Variants in LRRN2 observed in about 807,000 individuals in gnomAD.
LRRN2 encodes leucine-rich repeat neuronal protein 2.
Under a neutral mutation model 35.7 loss-of-function variants are expected in LRRN2, and 10 were observed. The observed-to-expected ratio is 0.28, with a 90% CI of 0.17 to 0.47. The LOEUF (loss-of-function observed/expected upper bound fraction) is 0.47, where lower values mean the gene tolerates loss of function less well. Among genes scored for constraint, LRRN2 ranks in the 20% least tolerant of loss-of-function variants. The probability of loss-of-function intolerance (pLI) is 0.99; values close to 1 mark genes in which losing one functional copy is unlikely to be tolerated. For missense variants in LRRN2, 731 were observed against 940.3 expected, an observed-to-expected ratio of 0.78 and a Z score of 2.91; for synonymous variants, 391 against 409.6, an observed-to-expected ratio of 0.95 and a Z score of 0.55.
intron 1 of LRRN2, among the ~76,000 whole-genome samples, chr1:204,658,109 C>T (rs1378635132): frequency 1.3e-5 from 2 of 151,154 alleles, no homozygotes; most frequent in Non-Finnish European, 2.9e-5. Context: ...TCCGGAATAT[C>T]TGGGACTACA....
Position 204,657,339 on chromosome 1 carries a change from T to TACACAC in LRRN2, c.-227+27980_-227+27981insGTGTGT, listed in dbSNP as rs1285210348. Among the ~76,000 whole-genome samples the TACACAC allele has an allele frequency of 4.1e-3, 510 of 124,272 alleles. 4 individuals are homozygous for TACACAC. Among genetic ancestry groups the TACACAC allele is most frequent in the African/African-American group, 0.013 (435 of 32,952 alleles). The allele number at this position is 124,272 out of a possible 152,430, so 81.5% of individuals were successfully genotyped here. On this transcript the variant is annotated intron_variant, in intron 1 of 1. Transcript: ENST00000367177. ...ATCTATGTGTCTATATATATGTATA[T>TACACAC]ATACACACACACACACACACACACA...
At position 204,630,991 on chromosome 1, in the gene LRRN2, C is replaced by T. The variant is rs116270098; in HGVS notation, c.-226-10773G>A. Among the ~76,000 whole-genome samples the T allele has an allele frequency of 5.2e-3, 794 of 151,804 alleles. 9 individuals are homozygous for T. Among genetic ancestry groups the T allele is most frequent in the African/African-American group, 0.015 (612 of 41,378 alleles). Reference sequence around the variant, plus strand: ...AAATGAGGGAGTTGGGCTAGAGCAGCGGTTCTCATACTGTAGTCCCCGGAC... The same window carrying T: ...AAATGAGGGAGTTGGGCTAGAGCAGTGGTTCTCATACTGTAGTCCCCGGAC... On this transcript the variant is annotated intron_variant, in intron 1 of 1. Transcript: ENST00000367177.
rs918421943 is a variant in LRRN2, at chr1:204,677,206, C to T, written c.-227+8114G>A. Reference sequence around the variant, plus strand: ...GACCCAATGCCAACTGATTCCACTTCCTCTGGATTGTAAGCCATAAGGACA... The same window carrying T: ...GACCCAATGCCAACTGATTCCACTTTCTCTGGATTGTAAGCCATAAGGACA... On this transcript the variant is annotated intron_variant, in intron 1 of 1. Coordinates refer to ENST00000367177, the MANE Select transcript of LRRN2 (RefSeq NM_201630.2). Among the ~76,000 whole-genome samples, 8 of 152,354 alleles carry T rather than the reference C, an allele frequency of 5.3e-5. No individual in the cohort carries two copies. The East Asian group carries it at 1.5e-3, about 29-fold the overall frequency.
At chr1:204,625,385 G>A (rs914069334) in intron 1 of LRRN2, among the ~76,000 whole-genome samples, 1 of 152,076 alleles carries the variant, frequency 6.6e-6, no homozygotes, top group Non-Finnish European at 1.5e-5. Flanking sequence ...AAGTAATTGC[G>A]GTTTTGGCCA....
intron 1 of LRRN2, among the ~76,000 whole-genome samples, chr1:204,635,208 C>A (rs1667804158): frequency 6.6e-6 from 1 of 152,160 alleles, no homozygotes. Flanking sequence ...TTGCTGACTA[C>A]TGAACCCTAG....
intron 1 of LRRN2, among the ~76,000 whole-genome samples, chr1:204,623,427 C>T (rs1437376569): frequency 9.2e-5 from 14 of 152,176 alleles, no homozygotes; most frequent in Non-Finnish European, 1.8e-4. Context: ...GCTCCTGGGC[C>T]GGGAGCCTGG....
rs996683512 is a variant in LRRN2, at chr1:204,619,675, C to T, written c.318G>A (p.Ser106=). Residue 106 remains serine (S), a synonymous_variant, in exon 2 of 2, where the codon TCG becomes TCA. Transcript: ENST00000367177. ...TELDLSQNSF[S]DARDCDFHAL... is the part of the protein sequence containing the mutation. ...CATGGAAATCACAGTCTCGGGCATC[C>T]GAAAAGCTGTTCTGGGACAGGTCCA... is the stretch of plus-strand genomic sequence containing the variant. 6.8e-6 allele frequency: 11 copies of T among 1,614,056 alleles called. No individual in the cohort carries two copies. Among genetic ancestry groups the T allele is most frequent in the East Asian group, 6.7e-5 (3 of 44,890 alleles).
chr1:204,669,269 A>G (rs1269595543), intron 1 of LRRN2, among the ~76,000 whole-genome samples: 3 of 152,234 alleles, frequency 2.0e-5, no homozygotes, highest in African/African-American at 4.8e-5. Context: ...GAGCAGGAGT[A>G]TGGTCTTCTG....
intron 1 of LRRN2, among the ~76,000 whole-genome samples, chr1:204,656,131 G>C (rs1280746000): frequency 6.6e-6 from 1 of 151,830 alleles, no homozygotes; most frequent in Non-Finnish European, 1.5e-5. Context: ...GGATGGTCTC[G>C]ATCTCCTGAC....
chr1:204,638,257 G>T (rs971868893), intron 1 of LRRN2, among the ~76,000 whole-genome samples: 1 of 152,096 alleles, frequency 6.6e-6, no homozygotes, highest in South Asian at 2.1e-4. Flanking sequence ...CTGCTTTAGT[G>T]TTCACAACAG....
chr1:204,625,308 G>T (rs2102581247), intron 1 of LRRN2, among the ~76,000 whole-genome samples: 1 of 152,302 alleles, frequency 6.6e-6, no homozygotes, highest in African/African-American at 2.4e-5. Flanking sequence ...GTGCCTGTTA[G>T]TTCCCTCTGT....
At chr1:204,674,229 G>A (rs1200636612) in intron 1 of LRRN2, among the ~76,000 whole-genome samples, 1 of 152,020 alleles carries the variant, frequency 6.6e-6, no homozygotes, top group Non-Finnish European at 1.5e-5. Flanking sequence ...GGTGGGGCAG[G>A]ATAAGTGTGC....
chr1:204,619,650 C>T lies in LRRN2; in HGVS notation c.343G>A (p.Ala115Thr). Residue 115 changes from alanine to threonine, a missense_variant, in exon 2 of 2, where the codon GCC (alanine) becomes ACC (threonine). Around this residue, in one of 3 missense-constraint regions of LRRN2, gnomAD observed 246 missense variants for 289.5 expected, o/e 0.85. Transcript: ENST00000367177. ...FSDARDCDFHALPQLLSLHLE... is the reference protein window; with the variant it reads ...FSDARDCDFHTLPQLLSLHLE... ...TGCAGGCTCAGCAGCTGGGGCAGGG[C>T]ATGGAAATCACAGTCTCGGGCATCC... 1 of 1,614,156 alleles carries T rather than the reference C, an allele frequency of 6.2e-7. No homozygotes were observed. Among genetic ancestry groups the T allele is most frequent in the Non-Finnish European group, 8.5e-7 (1 of 1,180,030 alleles).
chr1:204,672,499 A>T (rs1668735366), intron 1 of LRRN2, among the ~76,000 whole-genome samples: 1 of 152,176 alleles, frequency 6.6e-6, no homozygotes, highest in African/African-American at 2.4e-5. Context: ...GAATGAGGAC[A>T]GTGAGAAAGC....
chr1:204,660,732 A>G (rs1668454819), intron 1 of LRRN2, among the ~76,000 whole-genome samples: 1 of 151,972 alleles, frequency 6.6e-6, no homozygotes, highest in African/African-American at 2.4e-5. Flanking sequence ...AAGTTGCACA[A>G]CTCAGAATGT....
chr1:204,618,929 A>G lies in LRRN2; in HGVS notation c.1064T>C (p.Val355Ala), dbSNP rs17857003. 6.2e-7 allele frequency: 1 copy of G among 1,614,172 alleles called. No homozygotes were observed. Among genetic ancestry groups the G allele is most frequent in the Non-Finnish European group, 8.5e-7 (1 of 1,180,026 alleles). ...NALSALHQQT[V>A]ESLPNLQEVG... ...CTCCTGCAGGTTGGGCAGGGACTCCACCGTCTGCTGGTGCAAGGCACTGAG... is the reference window on the plus strand; with the variant it reads ...CTCCTGCAGGTTGGGCAGGGACTCCGCCGTCTGCTGGTGCAAGGCACTGAG... The change falls in exon 2 of 2, where the codon GTG becomes GCG. Residue 355 changes from valine (V) to alanine (A), a missense_variant. Val to Ala is a moderately conservative substitution (Grantham distance 64). This residue lies in a region of LRRN2 where 256 missense variants were observed against 392.4 expected (regional missense o/e 0.65). Coordinates refer to ENST00000367177, the MANE Select transcript of LRRN2 (RefSeq NM_201630.2).
At chr1:204,644,217 T>G (rs1028917688) in intron 1 of LRRN2, among the ~76,000 whole-genome samples, 1 of 152,120 alleles carries the variant, frequency 6.6e-6, no homozygotes, top group African/African-American at 2.4e-5. Context: ...TTGACCACAT[T>G]CTACCAAATC....
chr1:204,642,609 T>G (rs1176118665), intron 1 of LRRN2, among the ~76,000 whole-genome samples: 1 of 152,236 alleles, frequency 6.6e-6, no homozygotes, highest in Non-Finnish European at 1.5e-5. Flanking sequence ...CAGCTGGCTC[T>G]GCCTCAGGAA....
intron 1 of LRRN2, among the ~76,000 whole-genome samples, chr1:204,658,101 C>T (rs904150906): frequency 1.3e-4 from 19 of 151,582 alleles, no homozygotes; most frequent in South Asian, 2.1e-4. Flanking sequence ...CCTCAGCCTC[C>T]GGAATATCTG....
Sources: gnomAD v4.1 joint callset for allele counts (sites outside exome capture counted in the v4.1 genomes callset) on GRCh38, gnomAD v4.1.1 for gene constraint, gnomAD v4.1.1 regional missense constraint, MANE v1.5 for transcripts, NCBI Gene and HGNC (gene_info 2026-07-23, HGNC 2026-07-21) for gene names.